The following GATAD2B variants were observed in gnomAD, a reference collection of about 807,000 sequenced individuals.
GATAD2B encodes the protein transcriptional repressor p66-beta.
A neutral mutation model predicts 64.3 loss-of-function variants in GATAD2B; 8 were observed. The ratio of observed to expected loss-of-function variants is 0.12; its 90% confidence interval spans 0.07 to 0.22. The LOEUF is 0.22. Ranked by LOEUF, GATAD2B falls within the 10% of genes least tolerant of loss-of-function variation. The pLI is 1.00. For missense variants in GATAD2B, 453 were observed against 752.0 expected (o/e 0.60, Z 4.65); for synonymous variants, 281 against 271.3 (o/e 1.04, Z -0.35).
In GATAD2B at chr1:153,851,405, C is replaced by T. The variant is rs76755081; in HGVS notation, c.-1-23057G>A. The stretch of plus-strand genomic sequence containing the variant: ...CCGCTTGTACCATTTTGCATTCCCA[C>T]CAACAGTGTGCAAGGGTTCCAATTT... On this transcript the variant is annotated intron_variant, in intron 1 of 10. Coordinates refer to ENST00000368655, the MANE Select transcript of GATAD2B (RefSeq NM_020699.4). Among the ~76,000 whole-genome samples the T allele has an allele frequency of 3.5e-3, 527 of 152,232 alleles. 6 individuals carry two copies. Among genetic ancestry groups the T allele is most frequent in the African/African-American group, 0.012 (499 of 41,538 alleles).
chr1:153,819,856 T>G (rs1306070470), intron 2 of GATAD2B, 121 bp from the exon 3 acceptor site: 3 of 735,210 alleles, frequency 4.1e-6, no homozygotes, highest in Non-Finnish European at 6.3e-6. Flanking sequence ...CCTAGCACTT[T>G]GGGAGACCGA....
intron 1 of GATAD2B, among the ~76,000 whole-genome samples, chr1:153,903,572 A>G (rs1677841588): frequency 6.6e-6 from 1 of 152,216 alleles, no homozygotes; most frequent in African/African-American, 2.4e-5. Flanking sequence ...AATAGCGATG[A>G]AAATCATTAA....
intron 1 of GATAD2B, among the ~76,000 whole-genome samples, chr1:153,836,282 T>TA (rs1553190761): frequency 2.0e-5 from 3 of 149,306 alleles, no homozygotes; most frequent in Non-Finnish European, 3.0e-5. Context: ...TTTTTTTTTT[T>TA]AGACAGTCTG....
intron 1 of GATAD2B, chr1:153,852,368 C>T (rs1675928585): frequency 1.2e-6 from 1 of 849,672 alleles, no homozygotes; most frequent in Non-Finnish European, 2.1e-6. Flanking sequence ...CCTGCCATCA[C>T]CCTCATATGC....
intron 6 of GATAD2B, 150 bp downstream of exon 6, chr1:153,817,222 G>T (rs1674507791): frequency 3.2e-6 from 2 of 634,882 alleles, no homozygotes; most frequent in Admixed American, 3.6e-5. Context: ...TCTACTTTTG[G>T]GACTGCTCTC....
intron 1 of GATAD2B, among the ~76,000 whole-genome samples, chr1:153,832,173 C>T (rs1261351333): frequency 6.6e-6 from 1 of 151,964 alleles, no homozygotes; most frequent in Non-Finnish European, 1.5e-5. Context: ...CAAGATCGCA[C>T]CACTGCACTC....
intron 2 of GATAD2B, among the ~76,000 whole-genome samples, chr1:153,826,216 G>T (rs1674872691): frequency 6.6e-6 from 1 of 151,940 alleles, no homozygotes. Context: ...TGTTAGCCAG[G>T]ATGGTCTCGA....
chr1:153,836,042 C>T (rs1675250530), intron 1 of GATAD2B, among the ~76,000 whole-genome samples: 1 of 151,518 alleles, frequency 6.6e-6, no homozygotes, highest in Non-Finnish European at 1.5e-5. Context: ...CTTTTATATA[C>T]ACTGGGAAAC....
chr1:153,838,079 G>C (rs527304804), intron 1 of GATAD2B, among the ~76,000 whole-genome samples: 1 of 152,316 alleles, frequency 6.6e-6, no homozygotes, highest in African/African-American at 2.4e-5. Context: ...CAGGTGGGAA[G>C]AGATGTATCC....
chr1:153,810,013 C>T lies in GATAD2B; in HGVS notation c.*164G>A, dbSNP rs575197464. ...ATAAAGGGGAGGTGGCAGGGCAGGG[C>T]GTGTGTTTTCTTGCTGATCTCTATT... On this transcript the variant is annotated 3_prime_UTR_variant, in exon 11 of 11. Coordinates refer to ENST00000368655, the MANE Select transcript of GATAD2B (RefSeq NM_020699.4). The T allele has an allele frequency of 9.5e-6, 6 of 630,798 alleles. No individual in the cohort carries two copies. Among genetic ancestry groups the T allele is most frequent in the Non-Finnish European group, 1.7e-5 (6 of 362,730 alleles). The allele number at this position is 630,798 out of a possible 1,614,324, so 39.1% of individuals were successfully genotyped here.
chr1:153,916,329 C>T (rs1010914940), intron 1 of GATAD2B, among the ~76,000 whole-genome samples: 2 of 150,384 alleles, frequency 1.3e-5, no homozygotes, highest in East Asian at 1.9e-4. Context: ...GATGTGTAAG[C>T]GATCAAGGCA....
chr1:153,842,265 T>C (rs555229851), intron 1 of GATAD2B, among the ~76,000 whole-genome samples: 1 of 152,354 alleles, frequency 6.6e-6, no homozygotes, highest in South Asian at 2.1e-4. Flanking sequence ...TCTGTAATTC[T>C]CTTCTGTGAA....
intron 2 of GATAD2B, chr1:153,827,703 C>T: frequency 3.1e-6 from 1 of 321,614 alleles, no homozygotes; most frequent in East Asian, 5.4e-5. Flanking sequence ...CTAAGACGGC[C>T]ATGAAGATTA....
chr1:153,908,130 A>G (rs1678004598), intron 1 of GATAD2B, among the ~76,000 whole-genome samples: 1 of 152,092 alleles, frequency 6.6e-6, no homozygotes. Context: ...TGTTATGTAC[A>G]TTTTAACACA....
chr1:153,876,929 G>A (rs1355376149), intron 1 of GATAD2B, among the ~76,000 whole-genome samples: 3 of 152,164 alleles, frequency 2.0e-5, no homozygotes, highest in Non-Finnish European at 4.4e-5. Context: ...CTCGAACCTG[G>A]TGAGGGGAGG....
At chr1:153,852,953 C>T in intron 1 of GATAD2B, 1 of 873,580 alleles carries the variant, frequency 1.1e-6, no homozygotes, top group Non-Finnish European at 1.9e-6. Flanking sequence ...TTAATGCTGC[C>T]ACTGACACAG....
intron 3 of GATAD2B, 131 bp downstream of exon 3, chr1:153,819,475 C>T (rs1045765202): frequency 1.4e-5 from 9 of 631,886 alleles, no homozygotes; most frequent in African/African-American, 1.1e-4. Flanking sequence ...TCAAGAGTTA[C>T]TATAAAGTTT....
chr1:153,884,930 T>C (rs777016898), intron 1 of GATAD2B, among the ~76,000 whole-genome samples: 3 of 151,904 alleles, frequency 2.0e-5, no homozygotes, highest in Admixed American at 6.6e-5. Context: ...CTAATTTTTG[T>C]ATTTTTAGTA....
At chr1:153,844,264 T>C (rs1291504405) in intron 1 of GATAD2B, among the ~76,000 whole-genome samples, 5 of 151,902 alleles carry the variant, frequency 3.3e-5, no homozygotes, top group East Asian at 1.9e-4. Context: ...AGAACTCACA[T>C]GGGGCCAGGA....
Sources: gnomAD v4.1 joint callset for allele counts (sites outside exome capture counted in the v4.1 genomes callset) on GRCh38, gnomAD v4.1.1 for gene constraint, MANE v1.5 for transcripts, NCBI Gene and HGNC (gene_info 2026-07-23, HGNC 2026-07-21) for gene names.